Variants in TRPS1 observed in about 807,000 individuals in gnomAD.
TRPS1 encodes the protein transcriptional repressor GATA binding 1.
Under a neutral mutation model 101.2 loss-of-function variants are expected in TRPS1, and 6 were observed. That is an observed-to-expected ratio of 0.06 (90% CI 0.03 to 0.12). The LOEUF is 0.12. TRPS1 is among the 10% of genes least tolerant of loss of function. The pLI, the probability that TRPS1 is intolerant of heterozygous loss-of-function variation, is 1.00. For missense variants in TRPS1, 1,363 were observed against 1,567.0 expected, an observed-to-expected ratio of 0.87 and a Z score of 2.20; for synonymous variants, 578 against 589.8, an observed-to-expected ratio of 0.98 and a Z score of 0.29.
chr8:115,532,586 TGA>T (rs1212080784), intron 5 of TRPS1, among the ~76,000 whole-genome samples: 1 of 152,148 alleles, frequency 6.6e-6, no homozygotes, highest in Non-Finnish European at 1.5e-5. Flanking sequence ...GTAGGCCCAA[TGA>T]GAGAAGACTT....
At chr8:115,521,150 G>C (rs1210416345) in intron 5 of TRPS1, among the ~76,000 whole-genome samples, 1 of 1,244 alleles carries the variant, frequency 8.0e-4, no homozygotes, top group African/African-American at 3.7e-3. Context: ...CTCTATGTTT[G>C]TGTTACTATT....
chr8:115,576,921 T>C (rs918119487), intron 5 of TRPS1, among the ~76,000 whole-genome samples: 2 of 152,158 alleles, frequency 1.3e-5, no homozygotes, highest in African/African-American at 2.4e-5. Flanking sequence ...ATCCAGACAA[T>C]TTACACTTTA....
chr8:115,655,296 T>G (rs904598710), intron 1 of TRPS1, among the ~76,000 whole-genome samples: 1 of 152,126 alleles, frequency 6.6e-6, no homozygotes, highest in Non-Finnish European at 1.5e-5. Flanking sequence ...AGAAAAGAAG[T>G]GTTTCCTTGG....
In TRPS1 at chr8:115,494,434, T is replaced by C. The variant is rs148546865; in HGVS notation, c.2701-75982A>G. Reference sequence around the variant, plus strand: ...CTTAAAGCGTTTGTTAAAAAGCAAGTCGAGAGGAGGCAATGTAGCAACAAA... The same window carrying C: ...CTTAAAGCGTTTGTTAAAAAGCAAGCCGAGAGGAGGCAATGTAGCAACAAA... On this transcript the variant is annotated intron_variant, in intron 5 of 6. Transcript: ENST00000395715. 8.1e-3 allele frequency among the ~76,000 whole-genome samples: 1,227 copies of C among 152,240 alleles called. 18 individuals carry two copies. The highest frequency in any genetic ancestry group is 0.028 in the African/African-American group (1,163 of 41,532).
At chr8:115,474,148 A>T (rs1586310099) in intron 5 of TRPS1, among the ~76,000 whole-genome samples, 1 of 152,332 alleles carries the variant, frequency 6.6e-6, no homozygotes, top group East Asian at 1.9e-4. Flanking sequence ...TGAGTAATGC[A>T]GGGAATTTAG....
intron 1 of TRPS1, among the ~76,000 whole-genome samples, chr8:115,641,220 C>T (rs1818887355): frequency 6.6e-6 from 1 of 152,188 alleles, no homozygotes; most frequent in East Asian, 1.9e-4. Flanking sequence ...TCTTTTCCTG[C>T]TAAACTGAAG....
chr8:115,488,062 A>G (rs775220198), intron 5 of TRPS1, among the ~76,000 whole-genome samples: 1 of 152,146 alleles, frequency 6.6e-6, no homozygotes, highest in Non-Finnish European at 1.5e-5. Flanking sequence ...TGCCACAGCC[A>G]CCCTCACCTT....
Position 115,413,245 on chromosome 8 carries a change from A to G in TRPS1, c.*778T>C. 6.6e-6 allele frequency: 1 copy of G among 152,248 alleles called. No individual in the cohort carries two copies. Among genetic ancestry groups the G allele is most frequent in the East Asian group, 1.9e-4 (1 of 5,176 alleles). The allele number at this position is 152,248 out of a possible 1,614,324, so 9.4% of individuals were successfully genotyped here. ...CCTGGCTAAAATGAAATCACTACAG[A>G]AGCATCGAGGACATTGTTTTTTAAA... On this transcript the variant is annotated 3_prime_UTR_variant, in exon 7 of 7. Transcript: ENST00000395715.
At chr8:115,527,666 C>T (rs530304934) in intron 5 of TRPS1, among the ~76,000 whole-genome samples, 24 of 152,094 alleles carry the variant, frequency 1.6e-4, no homozygotes, top group African/African-American at 5.8e-4. Context: ...CAATTATACC[C>T]TCACTTGAAA....
At chr8:115,548,329 T>G (rs1168206717) in intron 5 of TRPS1, among the ~76,000 whole-genome samples, 2 of 152,028 alleles carry the variant, frequency 1.3e-5, no homozygotes, top group Non-Finnish European at 2.9e-5. Flanking sequence ...TTTGTTTTTG[T>G]TTTTTGGGTT....
intron 5 of TRPS1, among the ~76,000 whole-genome samples, chr8:115,567,833 T>C (rs1372971410): frequency 3.9e-5 from 6 of 152,090 alleles, no homozygotes; most frequent in Admixed American, 1.3e-4. Context: ...TGCAGCTCTT[T>C]CAGGGCGTCT....
chr8:115,633,914 C>A (rs751374284), intron 1 of TRPS1, among the ~76,000 whole-genome samples: 14 of 151,956 alleles, frequency 9.2e-5, no homozygotes, highest in Non-Finnish European at 1.8e-4. Flanking sequence ...AGGTACAATG[C>A]CATCAGTTTT....
At chr8:115,523,215 C>T (rs1815910918) in intron 5 of TRPS1, among the ~76,000 whole-genome samples, 1 of 151,968 alleles carries the variant, frequency 6.6e-6, no homozygotes, top group African/African-American at 2.4e-5. Flanking sequence ...CCGGGAAAGG[C>T]AAGAGGCTTA....
At chr8:115,666,327 T>C (rs1811920942) in intron 1 of TRPS1, among the ~76,000 whole-genome samples, 1 of 151,790 alleles carries the variant, frequency 6.6e-6, no homozygotes, top group Non-Finnish European at 1.5e-5. Flanking sequence ...TTCCAGACTG[T>C]CCTGTCAGCA....
At chr8:115,484,569 G>A (rs1354287221) in intron 5 of TRPS1, among the ~76,000 whole-genome samples, 1 of 152,100 alleles carries the variant, frequency 6.6e-6, no homozygotes, top group Non-Finnish European at 1.5e-5. Flanking sequence ...TTTAGGGTTT[G>A]TTATCTGTTT....
chr8:115,552,438 AT>A (rs1563597435), intron 5 of TRPS1, among the ~76,000 whole-genome samples: 1 of 152,172 alleles, frequency 6.6e-6, no homozygotes, highest in Non-Finnish European at 1.5e-5. Flanking sequence ...ATCCCTTCAC[AT>A]CATGAAAAAG....
At chr8:115,476,949 AAAC>A (rs1476392612) in intron 5 of TRPS1, among the ~76,000 whole-genome samples, 1 of 152,218 alleles carries the variant, frequency 6.6e-6, no homozygotes, top group African/African-American at 2.4e-5. Flanking sequence ...CATTTCTCAA[AAAC>A]AACAATAATT....
chr8:115,652,224 C>T (rs2737254), intron 1 of TRPS1, among the ~76,000 whole-genome samples: 69,508 of 151,946 alleles, frequency 0.46, 17,964 homozygotes, highest in African/African-American at 0.7. Context: ...GGAAAGACCA[C>T]TGGGGCTTGG....
intron 4 of TRPS1, among the ~76,000 whole-genome samples, chr8:115,591,437 C>T (rs1817676832): frequency 1.3e-5 from 2 of 152,080 alleles, no homozygotes; most frequent in Non-Finnish European, 1.5e-5. Flanking sequence ...AGTACTTCTT[C>T]CTAAATATAC....
Sources: gnomAD v4.1 joint callset for allele counts (sites outside exome capture counted in the v4.1 genomes callset) on GRCh38, gnomAD v4.1.1 for gene constraint, MANE v1.5 for transcripts, NCBI Gene and HGNC (gene_info 2026-07-23, HGNC 2026-07-21) for gene names.